MFAP4: variants seen among roughly 807,000 people sequenced by gnomAD.
MFAP4 encodes microfibril-associated glycoprotein 4.
MFAP4 carries 20 observed loss-of-function variants against 32.4 expected under a neutral mutation model. The ratio of observed to expected loss-of-function variants is 0.62; its 90% CI spans 0.43 to 0.90. MFAP4 has a LOEUF of 0.90. MFAP4 is among the 40% of genes least tolerant of loss of function. The pLI is 0.00. For missense variants in MFAP4, 267 were observed against 329.5 expected, an observed-to-expected ratio of 0.81 and a Z score of 1.47; for synonymous variants, 146 against 137.4, an observed-to-expected ratio of 1.06 and a Z score of -0.44.
In MFAP4 at chr17:19,383,530, C is replaced by T. The variant is rs1598120829; in HGVS notation, c.*932G>A. On this transcript the variant is annotated 3_prime_UTR_variant, in exon 6 of 6. Transcript: ENST00000299610. ...AATGAGGCCTGTGAAATACAAGGTT[C>T]CCTTCTGCACCTGACTCCAGGTGTA... 4.8e-6 allele frequency: 1 copy of T among 209,142 alleles called. No individual in the cohort carries two copies. The highest frequency in any genetic ancestry group is 5.9e-5 in the Admixed American group (1 of 16,928). The allele number at this position is 209,142 out of a possible 1,614,324, so 13.0% of individuals were successfully genotyped here.
Position 19,384,210 on chromosome 17 carries a change from C to G in MFAP4, c.*252G>C, listed in dbSNP as rs1912936413. 1 of 505,482 alleles carries G rather than the reference C, an allele frequency of 2.0e-6. No homozygotes were observed. The highest frequency in any genetic ancestry group is 3.6e-6 in the Non-Finnish European group (1 of 277,378). The allele number at this position is 505,482 out of a possible 1,614,324, so 31.3% of individuals were successfully genotyped here. ...GAGCCCAGCCAGGTCCAGGCTAGAA[C>G]CATGTGCCTCTCGGAAGAGGCCTGG... On this transcript the variant is annotated 3_prime_UTR_variant, in exon 6 of 6. Coordinates refer to ENST00000299610, the MANE Select transcript of MFAP4 (RefSeq NM_002404.3).
rs775503495 is a variant in MFAP4 at position 19,385,487 on chromosome 17, G to T, written c.241-33C>A. 1.4e-5 allele frequency: 22 copies of T among 1,595,112 alleles called. No individual in the cohort carries two copies. In the South Asian group the frequency reaches 2.4e-4, roughly 18 times the overall value. On this transcript the variant is annotated intron_variant, in intron 3 of 5. Coordinates refer to ENST00000299610, the MANE Select transcript of MFAP4 (RefSeq NM_002404.3). ...AGAGAAGATGAGACTGGATCATCAA[G>T]GGTCCAATGGGCAAGGTTCTGGTCC...
chr17:19,386,164 G>A lies in MFAP4; in HGVS notation c.240+146C>T, dbSNP rs1333268461. On this transcript the variant is annotated intron_variant, in intron 3 of 5. Transcript: ENST00000299610. Reference sequence around the variant, plus strand: ...ACCTACCTCAGGCACTTAGAATTAAGCGTTGGCAGCTGCTCAGAAGCTGTG... The same window carrying A: ...ACCTACCTCAGGCACTTAGAATTAAACGTTGGCAGCTGCTCAGAAGCTGTG... 24 of 722,962 alleles carry A rather than the reference G, an allele frequency of 3.3e-5. No individual in the cohort carries two copies. In the South Asian group the frequency reaches 4.5e-4, roughly 14 times the overall value. The allele number at this position is 722,962 out of a possible 1,614,324, so 44.8% of individuals were successfully genotyped here. A position where few individuals can be genotyped will look rare whatever the true frequency, so the allele number is the denominator to read the frequency against.
chr17:19,386,809 AAGC>A lies in MFAP4; in HGVS notation c.33_35del (p.Leu13del). 1 of 1,573,934 alleles carries A rather than the reference AAGC, an allele frequency of 6.4e-7. No individual in the cohort carries two copies. The highest frequency in any genetic ancestry group is 8.6e-7 in the Non-Finnish European group (1 of 1,159,514). On this transcript the variant is annotated inframe_deletion, in exon 2 of 6. Coordinates refer to ENST00000299610, the MANE Select transcript of MFAP4 (RefSeq NM_002404.3). Reference sequence around the variant, plus strand: ...GGGGGGCACACGGGGGCGTGGAGAGAAGCAGCAGCAGCGGCAGGGCCAGGAGTG... The same window carrying A: ...GGGGGGCACACGGGGGCGTGGAGAGAAGCAGCAGCGGCAGGGCCAGGAGTG...
intron 3 of MFAP4, among the ~76,000 whole-genome samples, chr17:19,385,811 G>A (rs777479579): frequency 2.0e-5 from 3 of 152,212 alleles, no homozygotes; most frequent in Non-Finnish European, 4.4e-5. Flanking sequence ...GGATTATTGT[G>A]AGGCTTATGT....
chr17:19,386,994 G>A lies in MFAP4; in HGVS notation c.6+156C>T, dbSNP rs558199722. Reference sequence around the variant, plus strand: ...TCTTCCCTGCCCCCCCACCCCGCCCGCCAAGTAACCCCACTCTCTGGGACG... The same window carrying A: ...TCTTCCCTGCCCCCCCACCCCGCCCACCAAGTAACCCCACTCTCTGGGACG... On this transcript the variant is annotated intron_variant, in intron 1 of 5. Coordinates refer to ENST00000299610, the MANE Select transcript of MFAP4 (RefSeq NM_002404.3). 7.5e-5 allele frequency: 23 copies of A among 308,482 alleles called. No homozygotes were observed. The East Asian group carries it at 1.1e-3, about 15-fold the overall frequency. 19.1% of individuals were successfully genotyped at this position (308,482 alleles called of 1,614,324 possible).
rs1057267699 is a variant in MFAP4 at position 19,386,719 on chromosome 17, C to A, written c.85+41G>T. 3 of 1,548,004 alleles carry A rather than the reference C, an allele frequency of 1.9e-6. 1 individual carries two copies. The Admixed American group carries it at 5.9e-5, about 30-fold the overall frequency. On this transcript the variant is annotated intron_variant, in intron 2 of 5. Transcript: ENST00000299610. ...GACAGTCCAGCCTCTTCTTGCACAACCTGTGGGCCAGGCCGCGTCTGTGAG... is the reference window on the plus strand; with the variant it reads ...GACAGTCCAGCCTCTTCTTGCACAAACTGTGGGCCAGGCCGCGTCTGTGAG...
Position 19,385,187 on chromosome 17 carries a change from G to C in MFAP4, c.432C>G (p.Tyr144Ter). The C allele has an allele frequency of 6.2e-7, 1 of 1,614,300 alleles. No individual in the cohort carries two copies. Among genetic ancestry groups the C allele is most frequent in the South Asian group, 1.1e-5 (1 of 91,090 alleles). ...DFENNTAYAK[Y>*]ADFSISPNAV... ...CGTTCGGGGAGATGGAGAAGTCAGC[G>C]TACTTGGCATAGGCCGTGTTGTTCT... The change falls in exon 5 of 6, where the codon TAC becomes TAG. Residue 144 changes from tyrosine to a stop codon, truncating the protein, a stop_gained. Coordinates refer to ENST00000299610, the MANE Select transcript of MFAP4 (RefSeq NM_002404.3). LOFTEE classifies it high-confidence loss of function.
chr17:19,384,341 C>A lies in MFAP4; in HGVS notation c.*121G>T. ...TGTGGCATGGCTGAGAGCCACAAGG[C>A]CCCCTTGTAAGGAGTTGGTGCTCGG... On this transcript the variant is annotated 3_prime_UTR_variant, in exon 6 of 6. Transcript: ENST00000299610. The A allele has an allele frequency of 1.6e-6, 2 of 1,229,020 alleles. No individual in the cohort carries two copies. The highest frequency in any genetic ancestry group is 2.2e-6 in the Non-Finnish European group (2 of 896,618). The allele number at this position is 1,229,020 out of a possible 1,614,324, so 76.1% of individuals were successfully genotyped here.
At chr17:19,386,628 G>T in intron 2 of MFAP4, 132 bp downstream of exon 2, 1 of 1,239,040 alleles carries the variant, frequency 8.1e-7, no homozygotes, top group African/African-American at 1.5e-5. Flanking sequence ...TCATCCATCT[G>T]CCCCATTTTG....
intron 1 of MFAP4, 139 bp from the exon 2 acceptor site, chr17:19,386,977 G>GGGGGCCCCCCCCCCCCCC: frequency 2.9e-6 from 2 of 689,430 alleles, no homozygotes; most frequent in Non-Finnish European, 4.7e-6. Context: ...CCTCTTCCCT[G>GGGGGCCCCCCCCCCCCCC]CCCCCCCACC....
chr17:19,386,972 T>TGGCGGGGCCCCCCCCCC, intron 1 of MFAP4, 134 bp from the exon 2 acceptor site: 1 of 937,014 alleles, frequency 1.1e-6, no homozygotes, highest in Non-Finnish European at 1.7e-6. Flanking sequence ...TGGCCCCTCT[T>TGGCGGGGCCCCCCCCCC]CCCTGCCCCC....
At chr17:19,386,166 G>A (rs1393343761) in intron 3 of MFAP4, 144 bp downstream of exon 3, 10 of 737,230 alleles carry the variant, frequency 1.4e-5, no homozygotes, top group South Asian at 9.0e-5. Flanking sequence ...AGAATTAAGC[G>A]TTGGCAGCTG....
intron 2 of MFAP4, 140 bp from the exon 3 acceptor site, chr17:19,386,604 G>T: frequency 8.0e-7 from 1 of 1,242,570 alleles, no homozygotes; most frequent in South Asian, 1.3e-5. Context: ...CAAGGGAGAT[G>T]AGCAATGCTT....
intron 3 of MFAP4, among the ~76,000 whole-genome samples, chr17:19,385,793 A>G (rs867360104): frequency 6.6e-6 from 1 of 152,170 alleles, no homozygotes; most frequent in Non-Finnish European, 1.5e-5. Context: ...GTTCCTCACT[A>G]CTTCCCAGGA....
intron 3 of MFAP4, among the ~76,000 whole-genome samples, chr17:19,386,064 G>T (rs1464089188): frequency 6.6e-6 from 1 of 152,254 alleles, no homozygotes; most frequent in East Asian, 1.9e-4. Context: ...GTTTCCAGCA[G>T]TGAGCTGAGA....
At position 19,383,447 on chromosome 17, in the gene MFAP4, T is replaced by C. The variant is rs1912893730; in HGVS notation, c.*1015A>G. 2.2e-6 allele frequency: 1 copy of C among 445,406 alleles called. No homozygotes were observed. Among genetic ancestry groups the C allele is most frequent in the Admixed American group, 4.0e-5 (1 of 25,210 alleles). The allele number at this position is 445,406 out of a possible 1,614,324, so 27.6% of individuals were successfully genotyped here. ...CCCCAACTCCCCCTGAACAATCCTT[T>C]TCAGTATTATATTTTTATTATTATT... On this transcript the variant is annotated 3_prime_UTR_variant, in exon 6 of 6. Coordinates refer to ENST00000299610, the MANE Select transcript of MFAP4 (RefSeq NM_002404.3).
rs539555788 is a variant in MFAP4, at chr17:19,385,167, G to A, written c.452C>T (p.Pro151Leu). The A allele has an allele frequency of 1.6e-5, 26 of 1,614,282 alleles. 1 individual carries two copies. In the South Asian group the frequency reaches 2.2e-4, roughly 14 times the overall value. Residue 151 changes from proline to leucine, a missense_variant, in exon 5 of 6, where the codon CCG (proline) becomes CTG (leucine). By Grantham distance (98) the Pro-to-Leu change is moderately conservative. Coordinates refer to ENST00000299610, the MANE Select transcript of MFAP4 (RefSeq NM_002404.3). ...YAKYADFSIS[P>L]NAVSAEEDGY... ...ATCCTCCTCTGCGCTGACCGCGTTC[G>A]GGGAGATGGAGAAGTCAGCGTACTT... is the stretch of plus-strand genomic sequence containing the variant.
intron 3 of MFAP4, 73 bp downstream of exon 3, chr17:19,386,237 G>A (rs150023151): frequency 5.3e-5 from 71 of 1,345,998 alleles, no homozygotes; most frequent in Non-Finnish European, 7.1e-5. Context: ...ACTGAGGTTC[G>A]CATATGTGAA....
Sources: gnomAD v4.1 joint callset for allele counts (sites outside exome capture counted in the v4.1 genomes callset) on GRCh38, gnomAD v4.1.1 for gene constraint, MANE v1.5 for transcripts, NCBI Gene and HGNC (gene_info 2026-07-23, HGNC 2026-07-21) for gene names.